Variants in SPATS2L observed in about 807,000 individuals in gnomAD.
SPATS2L encodes the protein SPATS2-like protein.
In SPATS2L, 30 loss-of-function variants were observed where a neutral mutation model predicts 59.6. The observed-to-expected ratio is 0.50, with a 90% confidence interval of 0.38 to 0.68. The LOEUF is 0.68. Ranked by LOEUF, SPATS2L falls within the 30% of genes least tolerant of loss-of-function variation. The pLI is 0.00. For missense variants in SPATS2L, 615 were observed against 700.0 expected (o/e 0.88, Z 1.37); for synonymous variants, 252 against 263.5 (o/e 0.96, Z 0.42).
intron 8 of SPATS2L, among the ~76,000 whole-genome samples, chr2:200,449,777 G>A (rs536764893): frequency 1.3e-5 from 2 of 152,190 alleles, no homozygotes; most frequent in South Asian, 4.1e-4. Context: ...ATACTAAAAA[G>A]TGAGTCCTAA....
At chr2:200,474,140 T>G (rs1398557806) in intron 12 of SPATS2L, among the ~76,000 whole-genome samples, 2 of 152,076 alleles carry the variant, frequency 1.3e-5, no homozygotes, top group Non-Finnish European at 2.9e-5. Context: ...ATGGTGGTTT[T>G]CTAACAGGTG....
chr2:200,461,207 A>G (rs950416103), intron 9 of SPATS2L: 1 of 152,216 alleles, frequency 6.6e-6, no homozygotes, highest in Non-Finnish European at 1.5e-5. Context: ...AATCAATTCC[A>G]TATATTAAAT....
chr2:200,325,374 A>G (rs2079700115), intron 1 of SPATS2L, among the ~76,000 whole-genome samples: 1 of 152,040 alleles, frequency 6.6e-6, no homozygotes, highest in Non-Finnish European at 1.5e-5. Flanking sequence ...GACTGTAGGA[A>G]TCTTTTTATT....
chr2:200,475,994 T>C (rs1030197687), intron 12 of SPATS2L, among the ~76,000 whole-genome samples: 1 of 152,142 alleles, frequency 6.6e-6, no homozygotes, highest in Non-Finnish European at 1.5e-5. Context: ...ACGAAGCACA[T>C]AATAGCAACT....
intron 2 of SPATS2L, among the ~76,000 whole-genome samples, chr2:200,363,228 G>A (rs116173711): frequency 7.9e-5 from 12 of 151,866 alleles, no homozygotes; most frequent in African/African-American, 2.2e-4. Context: ...CTACCACCTC[G>A]TTATAAAATC....
chr2:200,354,981 C>CT (rs923723594), intron 2 of SPATS2L, among the ~76,000 whole-genome samples: 17 of 149,204 alleles, frequency 1.1e-4, no homozygotes, highest in Admixed American at 6.7e-5. Context: ...CCGTGAATGA[C>CT]TTTTTTTTTT....
intron 2 of SPATS2L, chr2:200,384,106 C>A: frequency 1.7e-6 from 1 of 604,238 alleles, no homozygotes; most frequent in Non-Finnish European, 2.1e-6. Flanking sequence ...ATAACTCATA[C>A]ATATTAAAAT....
At position 200,479,714 on chromosome 2, in the gene SPATS2L, CAACATT is replaced by C. The variant is rs1260008860; in HGVS notation, c.*1690_*1695del. The stretch of plus-strand genomic sequence containing the variant: ...CAAGTGCAAATGCTTATTCTCAACT[CAACATT>C]AACATTTTTTCTGGCAACCCAGGTT... On this transcript the variant is annotated 3_prime_UTR_variant, in exon 13 of 13. Transcript: ENST00000409140. The C allele has an allele frequency of 5.0e-6, 2 of 398,654 alleles. No homozygotes were observed. Among genetic ancestry groups the C allele is most frequent in the Non-Finnish European group, 8.8e-6 (2 of 226,090 alleles). The allele number at this position is 398,654 out of a possible 1,614,324, so 24.7% of individuals were successfully genotyped here.
intron 2 of SPATS2L, among the ~76,000 whole-genome samples, chr2:200,355,815 T>G (rs1353579198): frequency 2.0e-5 from 3 of 152,226 alleles, no homozygotes; most frequent in Non-Finnish European, 4.4e-5. Flanking sequence ...ACTTCAGTAT[T>G]ATGCTATTTT....
chr2:200,398,923 G>T (rs781379780), intron 3 of SPATS2L, among the ~76,000 whole-genome samples: 3 of 152,120 alleles, frequency 2.0e-5, no homozygotes, highest in Admixed American at 6.5e-5. Context: ...TCCATGTGTG[G>T]TTCACTGGCA....
At chr2:200,362,375 T>C (rs2105872937) in intron 2 of SPATS2L, among the ~76,000 whole-genome samples, 1 of 152,354 alleles carries the variant, frequency 6.6e-6, no homozygotes, top group African/African-American at 2.4e-5. Flanking sequence ...TTCTCCCTCA[T>C]GTCACAGTCT....
chr2:200,324,014 T>A (rs2079649559), intron 1 of SPATS2L, among the ~76,000 whole-genome samples: 1 of 152,138 alleles, frequency 6.6e-6, no homozygotes, highest in African/African-American at 2.4e-5. Context: ...GTTCTGGTGA[T>A]GTAGTGAAGG....
chr2:200,446,336 A>G (rs553768740), intron 8 of SPATS2L, among the ~76,000 whole-genome samples: 1 of 152,340 alleles, frequency 6.6e-6, no homozygotes, highest in African/African-American at 2.4e-5. Flanking sequence ...CCCTGTCTCA[A>G]TAAGAACCAA....
chr2:200,414,009 C>T (rs1323143165), intron 4 of SPATS2L, among the ~76,000 whole-genome samples: 1 of 152,168 alleles, frequency 6.6e-6, no homozygotes, highest in Non-Finnish European at 1.5e-5. Context: ...GATACAGTCT[C>T]TTTTCAGGTT....
At chr2:200,398,048 C>T (rs945575656) in intron 3 of SPATS2L, among the ~76,000 whole-genome samples, 33 of 152,124 alleles carry the variant, frequency 2.2e-4, no homozygotes, top group African/African-American at 8.0e-4. Flanking sequence ...TATTGAATTT[C>T]GGCAGGCTGA....
At chr2:200,395,093 G>A (rs1312719225) in intron 3 of SPATS2L, among the ~76,000 whole-genome samples, 3 of 152,140 alleles carry the variant, frequency 2.0e-5, no homozygotes, top group Admixed American at 2.0e-4. Context: ...GAAATTTATA[G>A]ATGATTTCAG....
chr2:200,464,857 G>A (rs1167857772), intron 9 of SPATS2L, among the ~76,000 whole-genome samples: 1 of 152,114 alleles, frequency 6.6e-6, no homozygotes, highest in Non-Finnish European at 1.5e-5. Context: ...GTTTTCTCAT[G>A]CTGCAGATGT....
chr2:200,424,513 T>G (rs923468172), intron 6 of SPATS2L, among the ~76,000 whole-genome samples: 2 of 151,864 alleles, frequency 1.3e-5, no homozygotes, highest in Admixed American at 6.6e-5. Flanking sequence ...ACAAACAAAA[T>G]TATTTTACTA....
chr2:200,457,866 A>G (rs527999251), intron 8 of SPATS2L, among the ~76,000 whole-genome samples: 103 of 152,344 alleles, frequency 6.8e-4, no homozygotes, highest in African/African-American at 2.4e-3. Context: ...AAATACTGCA[A>G]AATTTTTCAG....
Sources: gnomAD v4.1 joint callset for allele counts (sites outside exome capture counted in the v4.1 genomes callset) on GRCh38, gnomAD v4.1.1 for gene constraint, MANE v1.5 for transcripts, NCBI Gene and HGNC (gene_info 2026-07-23, HGNC 2026-07-21) for gene names.